The following EFNA5 variants were observed in gnomAD, a reference collection of about 807,000 sequenced individuals.
EFNA5 encodes ephrin-A5.
Under a neutral mutation model 22.9 loss-of-function variants are expected in EFNA5, and 5 were observed. That is an observed-to-expected ratio of 0.22 (90% CI 0.11 to 0.46). EFNA5 has a LOEUF of 0.46. Ranked by LOEUF, EFNA5 falls within the 20% of genes least tolerant of loss-of-function variation. The probability of loss-of-function intolerance (pLI) is 0.99; values close to 1 mark genes in which losing one functional copy is unlikely to be tolerated. For missense variants in EFNA5, 237 were observed against 293.3 expected, an observed-to-expected ratio of 0.81 and a Z score of 1.40; for synonymous variants, 113 against 112.2, an observed-to-expected ratio of 1.01 and a Z score of -0.04.
At chr5:107,392,950 G>A (rs1747828605) in intron 2 of EFNA5, among the ~76,000 whole-genome samples, 1 of 152,206 alleles carries the variant, frequency 6.6e-6, no homozygotes, top group Non-Finnish European at 1.5e-5. Context: ...CAATTTAAAT[G>A]TTCTCACTCC....
intron 1 of EFNA5, among the ~76,000 whole-genome samples, chr5:107,628,514 G>A (rs1561453745): frequency 6.6e-6 from 1 of 152,094 alleles, no homozygotes; most frequent in Non-Finnish European, 1.5e-5. Flanking sequence ...TAGAACATTG[G>A]AAGTGGGTTT....
intron 1 of EFNA5, among the ~76,000 whole-genome samples, chr5:107,473,996 T>G (rs1402976026): frequency 6.6e-6 from 1 of 152,150 alleles, no homozygotes; most frequent in Non-Finnish European, 1.5e-5. Flanking sequence ...AATACATGAC[T>G]ATCATGCTTT....
At chr5:107,484,857 C>A (rs1185024108) in intron 1 of EFNA5, among the ~76,000 whole-genome samples, 2 of 149,644 alleles carry the variant, frequency 1.3e-5, no homozygotes. Flanking sequence ...ACAGTAATTA[C>A]CCAATTCAGA....
intron 1 of EFNA5, among the ~76,000 whole-genome samples, chr5:107,633,737 T>C (rs1433829840): frequency 1.3e-5 from 2 of 152,132 alleles, no homozygotes; most frequent in Non-Finnish European, 2.9e-5. Flanking sequence ...AGGGAGCACA[T>C]TCACCCATGA....
rs554799113 is a variant in EFNA5 at position 107,670,930 on chromosome 5, G to A, written c.-317C>T. On this transcript the variant is annotated 5_prime_UTR_variant, in exon 1 of 5. Coordinates refer to ENST00000333274, the MANE Select transcript of EFNA5 (RefSeq NM_001962.3). Reference sequence around the variant, plus strand: ...TGTGGTGGCGGCGGCGAGGGCGGGGGAAGAGGTGCCAAGCTGTGTCTCGGG... The same window carrying A: ...TGTGGTGGCGGCGGCGAGGGCGGGGAAAGAGGTGCCAAGCTGTGTCTCGGG... The A allele has an allele frequency of 6.9e-6, 2 of 289,190 alleles. No individual in the cohort carries two copies. Among genetic ancestry groups the A allele is most frequent in the Admixed American group, 5.9e-5 (1 of 16,982 alleles). 17.9% of individuals were successfully genotyped at this position (289,190 alleles called of 1,614,324 possible). A position where few individuals can be genotyped will look rare whatever the true frequency, so the allele number is the denominator to read the frequency against.
intron 1 of EFNA5, among the ~76,000 whole-genome samples, chr5:107,491,662 T>C (rs1746810068): frequency 6.6e-6 from 1 of 152,186 alleles, no homozygotes; most frequent in South Asian, 2.1e-4. Context: ...GCAATTTTTA[T>C]GACTTTATAT....
intron 1 of EFNA5, among the ~76,000 whole-genome samples, chr5:107,490,710 T>C (rs1238212976): frequency 6.6e-6 from 1 of 152,194 alleles, no homozygotes; most frequent in Non-Finnish European, 1.5e-5. Flanking sequence ...AGGACACTGA[T>C]ACAGGTAAAG....
chr5:107,380,940 C>A lies in EFNA5; in HGVS notation c.*315G>T. 4.4e-6 allele frequency: 2 copies of A among 453,804 alleles called. No homozygotes were observed. The highest frequency in any genetic ancestry group is 7.8e-6 in the Non-Finnish European group (2 of 255,664). 28.1% of individuals were successfully genotyped at this position (453,804 alleles called of 1,614,324 possible). A position where few individuals can be genotyped will look rare whatever the true frequency, so the allele number is the denominator to read the frequency against. ...GGAGGTGAGTTCTTAGAGGAGAATGCACAGGAGCTGACGAACCACTGGTGT... is the reference window on the plus strand; with the variant it reads ...GGAGGTGAGTTCTTAGAGGAGAATGAACAGGAGCTGACGAACCACTGGTGT... On this transcript the variant is annotated 3_prime_UTR_variant, in exon 5 of 5. Transcript: ENST00000333274.
intron 1 of EFNA5, among the ~76,000 whole-genome samples, chr5:107,480,432 T>C (rs1750427237): frequency 6.6e-6 from 1 of 152,290 alleles, no homozygotes; most frequent in South Asian, 2.1e-4. Context: ...GCACAAGAAA[T>C]AGCATCAACT....
chr5:107,600,488 C>A (rs1327402237), intron 1 of EFNA5, among the ~76,000 whole-genome samples: 1 of 151,434 alleles, frequency 6.6e-6, no homozygotes, highest in African/African-American at 2.4e-5. Context: ...AAAAATGTTT[C>A]TCTTTTTTTT....
chr5:107,592,736 G>A (rs1269552930), intron 1 of EFNA5, among the ~76,000 whole-genome samples: 1 of 152,164 alleles, frequency 6.6e-6, no homozygotes, highest in Non-Finnish European at 1.5e-5. Flanking sequence ...ATCGGCATCT[G>A]TGAGCAGTGC....
At chr5:107,569,300 C>T (rs1311216983) in intron 1 of EFNA5, among the ~76,000 whole-genome samples, 1 of 149,258 alleles carries the variant, frequency 6.7e-6, no homozygotes, top group Non-Finnish European at 1.5e-5. Flanking sequence ...ACTCAAATTT[C>T]CAAGTAAAAA....
chr5:107,534,886 C>G (rs947959868), intron 1 of EFNA5, among the ~76,000 whole-genome samples: 1 of 152,154 alleles, frequency 6.6e-6, no homozygotes, highest in African/African-American at 2.4e-5. Context: ...GAGCCTGATT[C>G]TATAAAGCCT....
At chr5:107,666,680 T>C (rs1033713383) in intron 1 of EFNA5, among the ~76,000 whole-genome samples, 1 of 152,124 alleles carries the variant, frequency 6.6e-6, no homozygotes, top group Non-Finnish European at 1.5e-5. Flanking sequence ...AGTGTGTTGG[T>C]CATATTTGCT....
At chr5:107,627,327 T>A (rs1175612087) in intron 1 of EFNA5, among the ~76,000 whole-genome samples, 1 of 152,066 alleles carries the variant, frequency 6.6e-6, no homozygotes, top group African/African-American at 2.4e-5. Context: ...ACTGAGGGAG[T>A]GCTGAGCATA....
intron 1 of EFNA5, among the ~76,000 whole-genome samples, chr5:107,546,651 AAC>A (rs767896375): frequency 0.018 from 2,128 of 121,234 alleles, 48 homozygotes; most frequent in African/African-American, 0.016. Flanking sequence ...TGGTGCGTAA[AAC>A]ACACACACAC....
intron 1 of EFNA5, among the ~76,000 whole-genome samples, chr5:107,546,241 G>C (rs1464010429): frequency 6.6e-6 from 1 of 152,196 alleles, no homozygotes; most frequent in Non-Finnish European, 1.5e-5. Flanking sequence ...CGCCCTCCTA[G>C]CACTGGTGCG....
At chr5:107,604,095 C>CA (rs776898014) in intron 1 of EFNA5, among the ~76,000 whole-genome samples, 3 of 152,152 alleles carry the variant, frequency 2.0e-5, no homozygotes, top group Non-Finnish European at 4.4e-5. Flanking sequence ...TATTATTCTG[C>CA]AATATGCATT....
chr5:107,575,918 T>A (rs922158774), intron 1 of EFNA5, among the ~76,000 whole-genome samples: 11 of 152,218 alleles, frequency 7.2e-5, no homozygotes, highest in Non-Finnish European at 1.5e-4. Context: ...ATAAAAGTTT[T>A]CATGGAAATC....
Sources: gnomAD v4.1 joint callset for allele counts (sites outside exome capture counted in the v4.1 genomes callset) on GRCh38, gnomAD v4.1.1 for gene constraint, MANE v1.5 for transcripts, NCBI Gene and HGNC (gene_info 2026-07-23, HGNC 2026-07-21) for gene names.